PUM1: variants seen among roughly 807,000 people sequenced by gnomAD.
The protein encoded by PUM1 is pumilio RNA binding family member 1.
PUM1 carries 13 observed loss-of-function variants against 131.8 expected under a neutral mutation model. The observed-to-expected ratio is 0.10, with a 90% CI of 0.06 to 0.16. The LOEUF (loss-of-function observed/expected upper bound fraction) is 0.16, where lower values mean the gene tolerates loss of function less well. Ranked by LOEUF, PUM1 falls within the 10% of genes least tolerant of loss-of-function variation. The probability of loss-of-function intolerance (pLI) is 1.00; values close to 1 mark genes in which losing one functional copy is unlikely to be tolerated. For synonymous variants in PUM1, 509 were observed against 556.5 expected (o/e 0.91, Z 1.20); for missense variants, 961 against 1,512.4 (o/e 0.64, Z 6.05).
intron 3 of PUM1, among the ~76,000 whole-genome samples, chr1:31,012,926 C>CAAG (rs1642676544): frequency 6.6e-6 from 1 of 152,072 alleles, no homozygotes; most frequent in African/African-American, 2.4e-5. Flanking sequence ...TGAATTTTAT[C>CAAG]CTCTTCTGCT....
At chr1:31,010,312 T>C (rs181287419) in intron 3 of PUM1, among the ~76,000 whole-genome samples, 45 of 152,312 alleles carry the variant, frequency 3.0e-4, no homozygotes, top group Admixed American at 1.9e-3. Context: ...CAAGTACTCA[T>C]ACCCTGAGTA....
chr1:31,038,984 A>ATATATATTTTTTT lies in PUM1; in HGVS notation c.364-10121_364-10120insAAAAAAATATATA. Reference sequence around the variant, plus strand: ...TATATATATATATATATATATATATATTTTTTTTTTTTTTTTCCTTTTCTC... The same window carrying ATATATATTTTTTT: ...TATATATATATATATATATATATATATATATATTTTTTTTTTTTTTTTTTTTTTTCCTTTTCTC... On this transcript the variant is annotated intron_variant, in intron 2 of 21. Transcript: ENST00000426105. Among the ~76,000 whole-genome samples, 24 of 49,418 alleles carry ATATATATTTTTTT rather than the reference A, an allele frequency of 4.9e-4. 1 individual carries two copies. The highest frequency in any genetic ancestry group is 1.4e-3 in the African/African-American group (7 of 4,830). 32.4% of individuals were successfully genotyped at this position (49,418 alleles called of 152,430 possible). A position where few individuals can be genotyped will look rare whatever the true frequency, so the allele number is the denominator to read the frequency against.
chr1:30,989,489 T>C (rs1205158044), intron 7 of PUM1, among the ~76,000 whole-genome samples: 2 of 143,372 alleles, frequency 1.4e-5, no homozygotes, highest in Admixed American at 1.5e-4. Flanking sequence ...GGAGAATCGC[T>C]TGAACCCAGG....
intron 1 of PUM1, among the ~76,000 whole-genome samples, chr1:31,062,846 T>C (rs1644399861): frequency 6.6e-6 from 1 of 152,192 alleles, no homozygotes; most frequent in South Asian, 2.1e-4. Context: ...CATTTGCTTC[T>C]CACAACTAAA....
At chr1:30,961,711 T>TA (rs1640415337) in intron 14 of PUM1, among the ~76,000 whole-genome samples, 1 of 151,990 alleles carries the variant, frequency 6.6e-6, no homozygotes, top group Non-Finnish European at 1.5e-5. Context: ...GGACAAAGTG[T>TA]AAAAAAGACA....
At chr1:31,063,890 T>C (rs1644421280) in intron 1 of PUM1, among the ~76,000 whole-genome samples, 1 of 152,194 alleles carries the variant, frequency 6.6e-6, no homozygotes, top group African/African-American at 2.4e-5. Flanking sequence ...GCAATTAACA[T>C]GTTATCTTGG....
At chr1:31,029,523 A>G (rs1196534742) in intron 2 of PUM1, among the ~76,000 whole-genome samples, 3 of 152,212 alleles carry the variant, frequency 2.0e-5, no homozygotes, top group Non-Finnish European at 4.4e-5. Context: ...ATCTATCTCC[A>G]AAGCCATTCC....
At chr1:31,017,508 T>C (rs1237916303) in intron 3 of PUM1, among the ~76,000 whole-genome samples, 1 of 152,128 alleles carries the variant, frequency 6.6e-6, no homozygotes. Context: ...AGATTTTATT[T>C]TGCGATTTTT....
chr1:30,968,103 C>A, intron 11 of PUM1: 1 of 645,310 alleles, frequency 1.5e-6, no homozygotes, highest in Non-Finnish European at 2.9e-6. Flanking sequence ...GATAATCCAC[C>A]AAGGAAAAAC....
chr1:30,989,120 T>C (rs535511030), intron 7 of PUM1, among the ~76,000 whole-genome samples: 26 of 152,246 alleles, frequency 1.7e-4, no homozygotes, highest in Non-Finnish European at 3.5e-4. Flanking sequence ...CACAACACCA[T>C]CTCTTCAACC....
At chr1:31,019,316 C>A (rs561881966) in intron 3 of PUM1, among the ~76,000 whole-genome samples, 4 of 152,118 alleles carry the variant, frequency 2.6e-5, no homozygotes, top group African/African-American at 7.2e-5. Context: ...AGTGCCGCTG[C>A]GCTCCAGCCT....
chr1:31,016,052 T>A (rs998941489), intron 3 of PUM1, among the ~76,000 whole-genome samples: 9 of 152,218 alleles, frequency 5.9e-5, no homozygotes, highest in African/African-American at 2.2e-4. Flanking sequence ...CAAATATTTT[T>A]AAGCAAGCTG....
At chr1:30,948,641 C>CTCA (rs1639787908) in intron 17 of PUM1, among the ~76,000 whole-genome samples, 1 of 152,152 alleles carries the variant, frequency 6.6e-6, no homozygotes, top group South Asian at 2.1e-4. Context: ...GTTCCAGCTA[C>CTCA]TCAGGAGGCT....
intron 2 of PUM1, chr1:31,055,282 G>A (rs1351562749): frequency 4.4e-6 from 2 of 453,364 alleles, no homozygotes; most frequent in Non-Finnish European, 4.4e-6. Flanking sequence ...TTCCCAGCAG[G>A]ATGACTGAGC....
chr1:30,959,004 C>A (rs891735264), intron 14 of PUM1, among the ~76,000 whole-genome samples: 5 of 152,020 alleles, frequency 3.3e-5, no homozygotes, highest in African/African-American at 1.2e-4. Flanking sequence ...ACATTTTATG[C>A]TAACAAATTT....
intron 2 of PUM1, among the ~76,000 whole-genome samples, chr1:31,046,125 G>A (rs1022487771): frequency 2.7e-5 from 4 of 150,696 alleles, no homozygotes; most frequent in Admixed American, 6.6e-5. Flanking sequence ...GGTAGCTCAC[G>A]CCTGTAATCC....
At chr1:31,045,908 C>A (rs1223611786) in intron 2 of PUM1, among the ~76,000 whole-genome samples, 1 of 152,066 alleles carries the variant, frequency 6.6e-6, no homozygotes. Context: ...ATGGCGAAAC[C>A]CAGTCTCTAC....
At chr1:30,942,191 TTATATATATA>T (rs58848270) in intron 18 of PUM1, 68 bp from the exon 19 acceptor site, 2,100 of 145,014 alleles carry the variant, frequency 0.014, 58 homozygotes, top group African/African-American at 0.033. Flanking sequence ...TCAGTATTGT[TTATATATATA>T]TATATATATA....
intron 14 of PUM1, 75 bp from the exon 15 acceptor site, chr1:30,954,056 C>T (rs1640051416): frequency 4.2e-6 from 6 of 1,437,486 alleles, no homozygotes; most frequent in Non-Finnish European, 3.8e-6. Flanking sequence ...AGCATTCCCA[C>T]ACCCGAAAGC....
Sources: allele counts gnomAD v4.1 joint callset (sites outside exome capture counted in the v4.1 genomes callset), GRCh38; gene constraint gnomAD v4.1.1; transcripts MANE v1.5; gene names NCBI Gene and HGNC (gene_info 2026-07-23, HGNC 2026-07-21).